Variants in LAMA2 observed in about 807,000 individuals in gnomAD.
The protein encoded by LAMA2 is laminin subunit alpha 2, also known as laminin subunit alpha-2.
LAMA2 carries 269 observed loss-of-function variants against 364.8 expected under a neutral mutation model. The observed-to-expected ratio is 0.74, with a 90% CI of 0.67 to 0.82. The LOEUF (loss-of-function observed/expected upper bound fraction) is 0.82. Ranked by LOEUF, LAMA2 falls within the 40% of genes least tolerant of loss-of-function variation. The probability of loss-of-function intolerance (pLI) is 0.00; values close to 1 mark genes in which losing one functional copy is unlikely to be tolerated. For synonymous variants in LAMA2, 1,379 were observed against 1,370.6 expected (o/e 1.01, Z -0.14); for missense variants, 3,807 against 3,873.2 (o/e 0.98, Z 0.45).
chr6:129,222,219 G>A (rs188536796), intron 12 of LAMA2, among the ~76,000 whole-genome samples: 102 of 152,096 alleles, frequency 6.7e-4, no homozygotes, highest in Non-Finnish European at 1.0e-3. Flanking sequence ...ATAGAGTCAC[G>A]ATTAGACCAA....
At chr6:129,347,171 C>A (rs1199546359) in intron 30 of LAMA2, among the ~76,000 whole-genome samples, 1 of 152,092 alleles carries the variant, frequency 6.6e-6, no homozygotes, top group Non-Finnish European at 1.5e-5. Flanking sequence ...TTGATGGAAG[C>A]ACCAGCAGCA....
At chr6:128,933,208 ATCTCCCTC>A (rs569533291) in intron 1 of LAMA2, among the ~76,000 whole-genome samples, 32 of 143,874 alleles carry the variant, frequency 2.2e-4, no homozygotes, top group African/African-American at 3.1e-4. Context: ...ATATTCCTCT[ATCTCCCTC>A]TCTCCCTCTC....
chr6:128,964,670 C>T (rs1781731846), intron 1 of LAMA2, among the ~76,000 whole-genome samples: 1 of 151,952 alleles, frequency 6.6e-6, no homozygotes, highest in East Asian at 1.9e-4. Context: ...ACAATGTAAC[C>T]TTAAATGTTT....
chr6:129,405,326 C>G (rs1400134476), intron 40 of LAMA2, among the ~76,000 whole-genome samples: 1 of 152,104 alleles, frequency 6.6e-6, no homozygotes. Flanking sequence ...GTAATTGCTT[C>G]ATCCTTATAA....
At chr6:129,394,110 T>G (rs773414444) in intron 37 of LAMA2, among the ~76,000 whole-genome samples, 9 of 152,150 alleles carry the variant, frequency 5.9e-5, no homozygotes, top group Non-Finnish European at 1.3e-4. Context: ...TTCCTAAGAG[T>G]AAACTCAGCA....
intron 2 of LAMA2, among the ~76,000 whole-genome samples, chr6:129,050,949 A>G (rs1230284261): frequency 4.6e-5 from 7 of 152,104 alleles, no homozygotes. Flanking sequence ...CTAGCAAAGC[A>G]TTGTATTGGA....
intron 4 of LAMA2, among the ~76,000 whole-genome samples, chr6:129,104,178 T>C (rs1370536932): frequency 6.6e-6 from 1 of 152,060 alleles, no homozygotes; most frequent in Non-Finnish European, 1.5e-5. Flanking sequence ...AAAATTTTTT[T>C]GTAGAGACAG....
chr6:128,929,288 C>G, intron 1 of LAMA2: 1 of 1,300,318 alleles, frequency 7.7e-7, no homozygotes, highest in Non-Finnish European at 1.1e-6. Context: ...GATGCGGATC[C>G]CTGCCCACAT....
intron 28 of LAMA2, among the ~76,000 whole-genome samples, chr6:129,323,479 T>C (rs982991332): frequency 2.6e-5 from 4 of 152,172 alleles, no homozygotes; most frequent in African/African-American, 9.7e-5. Context: ...GGCCTGGTCA[T>C]TAAAAATGTT....
intron 1 of LAMA2, among the ~76,000 whole-genome samples, chr6:128,981,704 T>A (rs1782893527): frequency 6.6e-6 from 1 of 152,000 alleles, no homozygotes; most frequent in Non-Finnish European, 1.5e-5. Context: ...GAGCAGAGAT[T>A]GAGCCACTGC....
At chr6:129,491,248 C>A (rs767548317) in intron 56 of LAMA2, among the ~76,000 whole-genome samples, 1 of 152,122 alleles carries the variant, frequency 6.6e-6, no homozygotes, top group Non-Finnish European at 1.5e-5. Context: ...TGATTCTTGG[C>A]CCAGGGATCC....
intron 53 of LAMA2, among the ~76,000 whole-genome samples, chr6:129,478,470 G>C (rs990570830): frequency 6.6e-6 from 1 of 152,072 alleles, no homozygotes; most frequent in African/African-American, 2.4e-5. Context: ...TTGCTAAAGG[G>C]GAGAAGGACT....
intron 8 of LAMA2, among the ~76,000 whole-genome samples, chr6:129,163,329 C>A (rs1438382206): frequency 6.6e-6 from 1 of 152,012 alleles, no homozygotes; most frequent in Non-Finnish European, 1.5e-5. Context: ...AATTTACTAG[C>A]TGATTTTAAA....
chr6:129,297,713 G>C lies in LAMA2; in HGVS notation c.2885G>C (p.Arg962Thr). Residue 962 changes from arginine to threonine, a missense_variant, in exon 21 of 65, where the codon AGG becomes ACG. Around this residue, in one of 3 missense-constraint regions of LAMA2, gnomAD observed 3,333 missense variants for 3,345.7 expected, o/e 1.00. Transcript: ENST00000421865. ...KAGTFGLQSARGCVPCNCNSF... is the reference protein window; with the variant it reads ...KAGTFGLQSATGCVPCNCNSF... ...GGGACCTTTGGCCTACAATCAGCAA[G>C]GGGCTGTGTTCCCTGCAACTGCAAT... The C allele has an allele frequency of 1.2e-6, 2 of 1,614,028 alleles. No individual in the cohort carries two copies. The highest frequency in any genetic ancestry group is 8.5e-7 in the Non-Finnish European group (1 of 1,179,970).
intron 1 of LAMA2, among the ~76,000 whole-genome samples, chr6:128,988,566 A>G (rs1162107509): frequency 6.6e-6 from 1 of 152,218 alleles, no homozygotes; most frequent in Admixed American, 6.5e-5. Context: ...CAAAGAGAGG[A>G]AGCCCAATCC....
At chr6:129,201,268 G>C (rs1352991367) in intron 12 of LAMA2, among the ~76,000 whole-genome samples, 1 of 152,172 alleles carries the variant, frequency 6.6e-6, no homozygotes, top group Non-Finnish European at 1.5e-5. Context: ...CAAATTGAAA[G>C]ACAGAGGTTA....
In LAMA2 at chr6:129,402,409, A is replaced by G. The variant is rs549790591; in HGVS notation, c.5648A>G (p.Asp1883Gly). The change falls in exon 39 of 65, where the codon GAC becomes GGC. Residue 1883 changes from aspartate to glycine, a missense_variant. Asp to Gly is a moderately conservative substitution (Grantham distance 94). Transcript: ENST00000421865. ...GATGACCTCTCCCAAGAAATAAAGG[A>G]CAGGAAGCTTGCTGAGAAGGTGTCC... ...KIDDLSQEIK[D>G]RKLAEKVSQA... 6.2e-7 allele frequency: 1 copy of G among 1,614,096 alleles called. No individual in the cohort carries two copies. The highest frequency in any genetic ancestry group is 8.5e-7 in the Non-Finnish European group (1 of 1,179,980).
chr6:129,504,690 T>C (rs1271068498), intron 60 of LAMA2, among the ~76,000 whole-genome samples: 1 of 152,204 alleles, frequency 6.6e-6, no homozygotes, highest in East Asian at 1.9e-4. Flanking sequence ...ACTCATCAGG[T>C]TCTGCAGAAA....
At chr6:129,263,052 CAG>C (rs1481826737) in intron 15 of LAMA2, among the ~76,000 whole-genome samples, 1 of 152,096 alleles carries the variant, frequency 6.6e-6, no homozygotes, top group Non-Finnish European at 1.5e-5. Flanking sequence ...ACAGATGAGA[CAG>C]GGGATATACT....
Sources: gnomAD v4.1 joint callset for allele counts (sites outside exome capture counted in the v4.1 genomes callset) on GRCh38, gnomAD v4.1.1 for gene constraint, gnomAD v4.1.1 regional missense constraint, MANE v1.5 for transcripts, NCBI Gene and HGNC (gene_info 2026-07-23, HGNC 2026-07-21) for gene names.